The following POLR2C variants were observed in gnomAD, a reference collection of about 807,000 sequenced individuals.
POLR2C encodes DNA-directed RNA polymerase II subunit RPB3.
Under a neutral mutation model 41.7 loss-of-function variants are expected in POLR2C, and 36 were observed. That is an observed-to-expected ratio of 0.86 (90% CI 0.66 to 1.14). The LOEUF (loss-of-function observed/expected upper bound fraction) is 1.14, where lower values mean the gene tolerates loss of function less well. Ranked by LOEUF, POLR2C falls within the 50% of genes most tolerant of loss-of-function variation. The pLI is 0.00. For missense variants in POLR2C, 260 were observed against 350.4 expected, an observed-to-expected ratio of 0.74 and a Z score of 2.06; for synonymous variants, 133 against 137.8, an observed-to-expected ratio of 0.96 and a Z score of 0.25.
rs199997346 is a variant in POLR2C, at chr16:57,469,315, C to A, written c.387+22C>A. The A allele has an allele frequency of 1.1e-5, 18 of 1,611,818 alleles. No homozygotes were observed. In the African/African-American group the frequency reaches 2.2e-4, roughly 19 times the overall value. On this transcript the variant is annotated intron_variant, in intron 5 of 8. Coordinates refer to ENST00000219252, the MANE Select transcript of POLR2C (RefSeq NM_032940.3). The surrounding 1 kb of genome is among the most constrained non-coding windows in gnomAD (Gnocchi z 5.8). ...TCCGGTCAGTGCGGGAGAGCATCCTCTTTTCCCTGGGATCTTTTCTCTTCT... is the reference window on the plus strand; with the variant it reads ...TCCGGTCAGTGCGGGAGAGCATCCTATTTTCCCTGGGATCTTTTCTCTTCT...
chr16:57,471,267 CATAG>C lies in POLR2C; in HGVS notation c.*155_*158del, dbSNP rs1404449640. ...ACATCAGTACCAACTAGAAGTGGGT[CATAG>C]ATAGATTACCAGGGATGCAGTGGTG... is the stretch of plus-strand genomic sequence containing the variant. On this transcript the variant is annotated 3_prime_UTR_variant, in exon 9 of 9. Transcript: ENST00000219252. 4.1e-5 allele frequency: 27 copies of C among 656,388 alleles called. No individual in the cohort carries two copies. The highest frequency in any genetic ancestry group is 3.1e-4 in the Middle Eastern group (1 of 3,186). The allele number at this position is 656,388 out of a possible 1,614,324, so 40.7% of individuals were successfully genotyped here. A position where few individuals can be genotyped will look rare whatever the true frequency, so the allele number is the denominator to read the frequency against.
intron 4 of POLR2C, among the ~76,000 whole-genome samples, chr16:57,466,520 TTAG>T (rs2030712799): frequency 6.6e-6 from 1 of 152,118 alleles, no homozygotes; most frequent in Non-Finnish European, 1.5e-5. Context: ...AGCAGGGGCC[TTAG>T]GATGCTACAG....
At chr16:57,468,794 C>T (rs2030763962) in intron 4 of POLR2C, among the ~76,000 whole-genome samples, 1 of 152,058 alleles carries the variant, frequency 6.6e-6, no homozygotes, top group Non-Finnish European at 1.5e-5. Flanking sequence ...CCTCTTAGTT[C>T]TTGGGAAGCT....
At chr16:57,468,947 G>A (rs183504812) in intron 4 of POLR2C, among the ~76,000 whole-genome samples, 27 of 152,302 alleles carry the variant, frequency 1.8e-4, no homozygotes, top group Non-Finnish European at 2.8e-4. Flanking sequence ...AGAAATGTGC[G>A]TGCCAGTGTA....
intron 7 of POLR2C, 50 bp downstream of exon 7, chr16:57,470,179 AG>A: frequency 6.3e-7 from 1 of 1,599,936 alleles, no homozygotes; most frequent in Non-Finnish European, 8.5e-7. Context: ...GGTGTGGCAT[AG>A]AAATGGCTGT....
In POLR2C at chr16:57,469,360, C is replaced by G. The variant is rs1252835266; in HGVS notation, c.387+67C>G. The G allele has an allele frequency of 6.4e-7, 1 of 1,551,808 alleles. No individual in the cohort carries two copies. The highest frequency in any genetic ancestry group is 1.4e-5 in the African/African-American group (1 of 73,330). On this transcript the variant is annotated intron_variant, in intron 5 of 8. Transcript: ENST00000219252. The surrounding 1 kb of genome is among the most constrained non-coding windows in gnomAD (Gnocchi z 5.8). ...TCTTCTCTGGCTGGCTCCAAGTGGG[C>G]CAGACTGGGGTTGATCCTTAGAAAA...
rs748381795 is a variant in POLR2C, at chr16:57,469,775, A to G, written c.439+14A>G. ...TGGAGCAGGATGGTAAGTCTTCCTG[A>G]CCTGTCACCGTGTGGGCCAGCGGGA... On this transcript the variant is annotated intron_variant, in intron 6 of 8. Coordinates refer to ENST00000219252, the MANE Select transcript of POLR2C (RefSeq NM_032940.3). This position sits in a 1 kb window ranked among gnomAD's most constrained non-coding sequence, Gnocchi z 5.8. 3 of 1,610,356 alleles carry G rather than the reference A, an allele frequency of 1.9e-6. No individual in the cohort carries two copies. In the Admixed American group the frequency reaches 5.0e-5, roughly 27 times the overall value.
Position 57,470,318 on chromosome 16 carries a change from C to A in POLR2C, c.647C>A (p.Ser216Ter). 6.2e-7 allele frequency: 1 copy of A among 1,612,204 alleles called. No homozygotes were observed. The highest frequency in any genetic ancestry group is 1.1e-5 in the South Asian group (1 of 90,690). ...SEYSELDEDE[S>*]QAPYDPNGKP... ...TACTCGGAGCTGGATGAGGATGAGT[C>A]GCAGGCTCCCTATGACCCCAACGGC... Residue 216 changes from serine to a stop codon, truncating the protein, a stop_gained, in exon 8 of 9, where the codon TCG becomes TAG. Transcript: ENST00000219252. LOFTEE classifies it high-confidence loss of function.
chr16:57,467,631 AT>A (rs1291110640), intron 4 of POLR2C, among the ~76,000 whole-genome samples: 3 of 151,796 alleles, frequency 2.0e-5, no homozygotes, highest in African/African-American at 7.3e-5. Context: ...CATTTGCTTT[AT>A]TTTTCATATG....
intron 7 of POLR2C, 44 bp from the exon 8 acceptor site, chr16:57,470,236 A>G (rs763944969): frequency 1.9e-6 from 3 of 1,599,822 alleles, no homozygotes; most frequent in Non-Finnish European, 2.6e-6. Context: ...GGGTGCCCCA[A>G]AAGGAGCAGT....
intron 4 of POLR2C, among the ~76,000 whole-genome samples, chr16:57,467,001 A>G (rs2030723657): frequency 6.6e-6 from 1 of 152,234 alleles, no homozygotes; most frequent in African/African-American, 2.4e-5. Flanking sequence ...TGGGAGGCCG[A>G]GGCGGGTTTA....
Position 57,469,330 on chromosome 16 carries a change from T to C in POLR2C, c.387+37T>C. The C allele has an allele frequency of 6.2e-7, 1 of 1,612,412 alleles. No homozygotes were observed. Among genetic ancestry groups the C allele is most frequent in the Non-Finnish European group, 8.5e-7 (1 of 1,178,450 alleles). ...AGAGCATCCTCTTTTCCCTGGGATC[T>C]TTTCTCTTCTCTGGCTGGCTCCAAG... is the stretch of plus-strand genomic sequence containing the variant. On this transcript the variant is annotated intron_variant, in intron 5 of 8. Coordinates refer to ENST00000219252, the MANE Select transcript of POLR2C (RefSeq NM_032940.3). This position sits in a 1 kb window ranked among gnomAD's most constrained non-coding sequence, Gnocchi z 5.8.
In POLR2C at chr16:57,470,996, C is replaced by T; in HGVS notation, c.705C>T (p.Ser235=). ...KPERFYYNVE[S]CGSLRPETIV... is the part of the protein sequence containing the mutation. ...CTAGGTTTTACTACAATGTGGAGTC[C>T]TGTGGCTCTCTGCGTCCTGAAACCA... is the stretch of plus-strand genomic sequence containing the variant. Residue 235 remains serine, a synonymous_variant, in exon 9 of 9, where the codon TCC becomes TCT. Transcript: ENST00000219252. 6.2e-7 allele frequency: 1 copy of T among 1,614,076 alleles called. No homozygotes were observed. The highest frequency in any genetic ancestry group is 1.1e-5 in the South Asian group (1 of 91,084).
chr16:57,466,288 A>G (rs574225116), intron 4 of POLR2C, 61 bp downstream of exon 4: 1 of 1,104,776 alleles, frequency 9.1e-7, no homozygotes, highest in African/African-American at 1.6e-5. Context: ...TCTCAAAGGG[A>G]TTTTTCCTGA....
intron 4 of POLR2C, among the ~76,000 whole-genome samples, chr16:57,467,083 A>T (rs144319961): frequency 0.017 from 2,615 of 152,170 alleles, 87 homozygotes; most frequent in African/African-American, 0.06. Flanking sequence ...AATACAAAAT[A>T]TTAGCCGAGC....
At chr16:57,470,196 A>C (rs1196775952) in intron 7 of POLR2C, 67 bp downstream of exon 7, 1 of 1,594,958 alleles carries the variant, frequency 6.3e-7, no homozygotes, top group Non-Finnish European at 8.6e-7. Flanking sequence ...GCTGTTGTTG[A>C]CTGAGATGTG....
rs1567584938 is a variant in POLR2C, at chr16:57,471,274, A to G, written c.*155A>G. Reference sequence around the variant, plus strand: ...TACCAACTAGAAGTGGGTCATAGATAGATTACCAGGGATGCAGTGGTGTTT... The same window carrying G: ...TACCAACTAGAAGTGGGTCATAGATGGATTACCAGGGATGCAGTGGTGTTT... On this transcript the variant is annotated 3_prime_UTR_variant, in exon 9 of 9. Transcript: ENST00000219252. The G allele has an allele frequency of 3.1e-6, 2 of 635,212 alleles. No homozygotes were observed. The highest frequency in any genetic ancestry group is 5.5e-6 in the Non-Finnish European group (2 of 362,350). The allele number at this position is 635,212 out of a possible 1,614,324, so 39.3% of individuals were successfully genotyped here. A position where few individuals can be genotyped will look rare whatever the true frequency, so the allele number is the denominator to read the frequency against.
At chr16:57,470,417 C>A (rs971659010) in intron 8 of POLR2C, 63 bp downstream of exon 8, 2 of 1,262,872 alleles carry the variant, frequency 1.6e-6, no homozygotes, top group Admixed American at 2.1e-5. Context: ...TGGTTCAGGC[C>A]GTGAGTTAGG....
At chr16:57,466,695 C>T (rs2030716851) in intron 4 of POLR2C, among the ~76,000 whole-genome samples, 1 of 152,170 alleles carries the variant, frequency 6.6e-6, no homozygotes, top group Non-Finnish European at 1.5e-5. Context: ...GTCTCACCCC[C>T]TTCCTCCTGG....
Sources: allele counts gnomAD v4.1 joint callset (sites outside exome capture counted in the v4.1 genomes callset), GRCh38; gene constraint gnomAD v4.1.1; non-coding constraint Gnocchi (gnomAD v3.1); transcripts MANE v1.5; gene names NCBI Gene and HGNC (gene_info 2026-07-23, HGNC 2026-07-21).